Variants in CUX2 observed in about 807,000 individuals in gnomAD.
CUX2 encodes the protein homeobox protein cut-like 2.
A neutral mutation model predicts 144.8 loss-of-function variants in CUX2; 40 were observed. The ratio of observed to expected loss-of-function variants is 0.28; its 90% CI spans 0.21 to 0.36. The LOEUF is 0.36. Ranked by LOEUF, CUX2 falls within the 10% of genes least tolerant of loss-of-function variation. CUX2 has a pLI of 1.00. For synonymous variants in CUX2, 827 were observed against 875.6 expected (o/e 0.94, Z 0.98); for missense variants, 1,615 against 1,994.0 (o/e 0.81, Z 3.62).
intron 1 of CUX2, among the ~76,000 whole-genome samples, chr12:111,046,814 G>A (rs1350911465): frequency 1.3e-5 from 2 of 152,054 alleles, no homozygotes; most frequent in African/African-American, 2.4e-5. Flanking sequence ...GTGCCACTAC[G>A]CCTGGCTGAT....
At chr12:111,101,367 A>ACCCCC (rs1017146173) in intron 1 of CUX2, among the ~76,000 whole-genome samples, 1 of 151,888 alleles carries the variant, frequency 6.6e-6, no homozygotes, top group Non-Finnish European at 1.5e-5. Context: ...GCAGGGTGTG[A>ACCCCC]CCCCCTACAG....
At chr12:111,314,977 T>C (rs1483506007) in intron 16 of CUX2, among the ~76,000 whole-genome samples, 5 of 152,180 alleles carry the variant, frequency 3.3e-5, no homozygotes, top group Admixed American at 6.5e-5. Flanking sequence ...CACCTCTTTA[T>C]ACAGCACTTT....
At chr12:111,083,731 A>T (rs1872035780) in intron 1 of CUX2, among the ~76,000 whole-genome samples, 1 of 152,082 alleles carries the variant, frequency 6.6e-6, no homozygotes, top group Admixed American at 6.5e-5. Flanking sequence ...GTAATAGAAG[A>T]TGACAGCTGG....
In CUX2 at chr12:111,320,541, C is replaced by T. The variant is rs768798319; in HGVS notation, c.2532C>T (p.Asp844=). Residue 844 remains aspartate, a synonymous_variant, in exon 17 of 22, where the codon GAC becomes GAT. Transcript: ENST00000261726. This position sits in a 1 kb window ranked among gnomAD's most constrained non-coding sequence, Gnocchi z 8.1. The part of the protein sequence containing the change: ...PEDEAAAGAE[D]EPPRTGELKA... ...ACGAGGCGGCGGCAGGGGCGGAGGA[C>T]GAACCCCCCAGGACGGGCGAGCTCA... The T allele has an allele frequency of 7.7e-6, 12 of 1,550,322 alleles. No individual in the cohort carries two copies. The highest frequency in any genetic ancestry group is 3.8e-5 in the Admixed American group (2 of 52,762).
Position 111,320,789 on chromosome 12 carries a change from G to A in CUX2, c.2766+14G>A, listed in dbSNP as rs367557244. 46 of 1,499,932 alleles carry A rather than the reference G, an allele frequency of 3.1e-5. No homozygotes were observed. The African/African-American group carries it at 4.9e-4, about 16-fold the overall frequency. The allele number at this position is 1,499,932 out of a possible 1,614,324, so 92.9% of individuals were successfully genotyped here. A position where few individuals can be genotyped will look rare whatever the true frequency, so the allele number is the denominator to read the frequency against. ...TTCGGGGAGAAGGTGAGTGCAGGGC[G>A]GGCCCCCGGTGTCTGGGCTCTGGGA... On this transcript the variant is annotated intron_variant, in intron 17 of 21. Coordinates refer to ENST00000261726, the MANE Select transcript of CUX2 (RefSeq NM_015267.4). This position sits in a 1 kb window ranked among gnomAD's most constrained non-coding sequence, Gnocchi z 8.1.
rs1304163413 is a variant in CUX2, at chr12:111,034,743, G to A, written c.63+503G>A. Among the ~76,000 whole-genome samples the A allele has an allele frequency of 1.3e-5, 2 of 150,966 alleles. No individual in the cohort carries two copies. The highest frequency in any genetic ancestry group is 1.3e-4 in the Admixed American group (2 of 15,186). ...AGGAGGAGGAGAGGAGGAGGAGGAG[G>A]AGAGAGGAGGAGGGAGCCGGGGTTG... On this transcript the variant is annotated intron_variant, in intron 1 of 21. Coordinates refer to ENST00000261726, the MANE Select transcript of CUX2 (RefSeq NM_015267.4). The surrounding 1 kb of genome is among the most constrained non-coding windows in gnomAD (Gnocchi z 4.2).
At chr12:111,265,410 C>T (rs891441105) in intron 4 of CUX2, among the ~76,000 whole-genome samples, 36 of 151,642 alleles carry the variant, frequency 2.4e-4, no homozygotes, top group African/African-American at 8.5e-4. Flanking sequence ...AGCGCGATCT[C>T]AGCTCACTGC....
Position 111,151,156 on chromosome 12 carries a change from T to G in CUX2, c.64-63044T>G, listed in dbSNP as rs187970631. 3.3e-5 allele frequency among the ~76,000 whole-genome samples: 5 copies of G among 152,340 alleles called. No individual in the cohort carries two copies. In the East Asian group the frequency reaches 9.6e-4, roughly 29 times the overall value. Reference sequence around the variant, plus strand: ...CCTGCCTGAGAGCCGTGGTTTTAAATTGGCTAATGCAGAATACTTGCAGAG... The same window carrying G: ...CCTGCCTGAGAGCCGTGGTTTTAAAGTGGCTAATGCAGAATACTTGCAGAG... On this transcript the variant is annotated intron_variant, in intron 1 of 21. Transcript: ENST00000261726.
At chr12:111,297,472 T>C (rs1483575480) in intron 8 of CUX2, among the ~76,000 whole-genome samples, 1 of 152,176 alleles carries the variant, frequency 6.6e-6, no homozygotes, top group Non-Finnish European at 1.5e-5. Context: ...ACCACAGCCA[T>C]AAATAATGTC....
intron 1 of CUX2, among the ~76,000 whole-genome samples, chr12:111,140,595 A>G (rs1223390426): frequency 6.6e-6 from 1 of 152,210 alleles, no homozygotes; most frequent in Admixed American, 6.5e-5. Flanking sequence ...TTCTCCATTT[A>G]CACGCGAAAC....
chr12:111,175,695 C>A (rs1428749364), intron 1 of CUX2, among the ~76,000 whole-genome samples: 1 of 151,972 alleles, frequency 6.6e-6, no homozygotes, highest in Admixed American at 6.6e-5. Context: ...AGCATGAGGG[C>A]CTATTAATAA....
chr12:111,261,548 C>A (rs1344358397), intron 3 of CUX2, among the ~76,000 whole-genome samples: 1 of 152,108 alleles, frequency 6.6e-6, no homozygotes, highest in East Asian at 1.9e-4. Flanking sequence ...ATAGCTGTGT[C>A]TCCCACTCAA....
intron 4 of CUX2, among the ~76,000 whole-genome samples, chr12:111,268,946 G>A (rs1459827203): frequency 1.3e-5 from 2 of 152,192 alleles, no homozygotes; most frequent in East Asian, 1.9e-4. Context: ...GTTGTAACAC[G>A]AGGGGGCAGC....
intron 3 of CUX2, among the ~76,000 whole-genome samples, chr12:111,262,522 G>A (rs1226373280): frequency 6.6e-6 from 1 of 151,802 alleles, no homozygotes; most frequent in Admixed American, 6.6e-5. Flanking sequence ...GGGACAACAG[G>A]CACGAGCCAC....
At position 111,312,705 on chromosome 12, in the gene CUX2, A is replaced by C. The variant is rs954967770; in HGVS notation, c.2002+504A>C. On this transcript the variant is annotated intron_variant, in intron 16 of 21. Transcript: ENST00000261726. The surrounding 1 kb of genome is among the most constrained non-coding windows in gnomAD (Gnocchi z 4.3). The stretch of plus-strand genomic sequence containing the variant: ...ACAAAGCAAGACTCTGTCAGAAAAA[A>C]AAAAAGAAAAATATCCCAAGACTCG... 1.2e-4 allele frequency among the ~76,000 whole-genome samples: 18 copies of C among 152,064 alleles called. No individual in the cohort carries two copies. Among genetic ancestry groups the C allele is most frequent in the African/African-American group, 4.3e-4 (18 of 41,400 alleles).
At chr12:111,107,809 T>C (rs985279503) in intron 1 of CUX2, among the ~76,000 whole-genome samples, 1 of 152,138 alleles carries the variant, frequency 6.6e-6, no homozygotes, top group Non-Finnish European at 1.5e-5. Context: ...TTGAGATAAT[T>C]TCAAAAAGAC....
chr12:111,152,689 G>A (rs567564263), intron 1 of CUX2, among the ~76,000 whole-genome samples: 3 of 152,212 alleles, frequency 2.0e-5, no homozygotes, highest in Non-Finnish European at 2.9e-5. Flanking sequence ...ATTTGCTCTT[G>A]GGGCCTGAAA....
chr12:111,146,416 A>G (rs1171983190), intron 1 of CUX2, among the ~76,000 whole-genome samples: 3 of 152,010 alleles, frequency 2.0e-5, no homozygotes, highest in African/African-American at 7.2e-5. Flanking sequence ...CTTTTTCAGT[A>G]TGTTGTATAG....
intron 16 of CUX2, among the ~76,000 whole-genome samples, chr12:111,313,197 G>C (rs1448080380): frequency 6.6e-6 from 1 of 150,886 alleles, no homozygotes; most frequent in Admixed American, 6.6e-5. Flanking sequence ...GAGTAGCTGG[G>C]ATTACACGCA....
Sources: gnomAD v4.1 joint callset for allele counts (sites outside exome capture counted in the v4.1 genomes callset) on GRCh38, gnomAD v4.1.1 for gene constraint, Gnocchi (gnomAD v3.1) non-coding constraint, MANE v1.5 for transcripts, NCBI Gene and HGNC (gene_info 2026-07-23, HGNC 2026-07-21) for gene names.